Variants in TUSC3 observed in about 807,000 individuals in gnomAD.
TUSC3 encodes the protein dolichyl-diphosphooligosaccharide--protein glycosyltransferase subunit TUSC3.
TUSC3 carries 45 observed loss-of-function variants against 44.8 expected under a neutral mutation model. That is an observed-to-expected ratio of 1.00 (90% CI 0.79 to 1.29). The LOEUF (loss-of-function observed/expected upper bound fraction) is 1.29, where lower values mean the gene tolerates loss of function less well. TUSC3 is among the 50% of genes most tolerant of loss of function. The pLI, the probability that TUSC3 is intolerant of heterozygous loss-of-function variation, is 0.00. For synonymous variants in TUSC3, 212 were observed against 152.9 expected (o/e 1.39, Z -2.85); for missense variants, 519 against 437.9 (o/e 1.19, Z -1.65).
At chr8:15,439,629 A>T (rs192309212) in intron 1 of TUSC3, among the ~76,000 whole-genome samples, 196 of 152,354 alleles carry the variant, frequency 1.3e-3, no homozygotes, top group African/African-American at 4.4e-3. Context: ...CTGTGTTTTA[A>T]CAAAGTTAGA....
chr8:15,423,992 T>TG (rs1563247259), intron 1 of TUSC3, among the ~76,000 whole-genome samples: 9 of 134,116 alleles, frequency 6.7e-5, no homozygotes, highest in South Asian at 2.5e-4. Flanking sequence ...TTTTTTTTTT[T>TG]TTTTTTTTTT....
the TUSC3 span, among the ~76,000 whole-genome samples, chr8:15,791,611 C>T: frequency 6.6e-6 from 1 of 152,074 alleles, no homozygotes. Context: ...GATTTTCTCC[C>T]GGTAAGTTTC....
At chr8:15,598,788 T>G (rs1804167720) in intron 1 of TUSC3, among the ~76,000 whole-genome samples, 1 of 151,836 alleles carries the variant, frequency 6.6e-6, no homozygotes, top group Non-Finnish European at 1.5e-5. Context: ...TTTTTTTTTA[T>G]AGCACTGAAT....
chr8:15,423,625 G>A (rs1451928380), intron 1 of TUSC3, among the ~76,000 whole-genome samples: 1 of 152,164 alleles, frequency 6.6e-6, no homozygotes, highest in Non-Finnish European at 1.5e-5. Flanking sequence ...GAGGAGGTTT[G>A]AAATACCTGC....
chr8:15,732,836 T>C (rs1225489022), intron 7 of TUSC3, among the ~76,000 whole-genome samples: 8 of 152,208 alleles, frequency 5.3e-5, no homozygotes. Context: ...CTTCTTCCTG[T>C]GTCTGTCTCC....
At chr8:15,677,432 G>A (rs1378574111) in intron 6 of TUSC3, among the ~76,000 whole-genome samples, 3 of 152,204 alleles carry the variant, frequency 2.0e-5, no homozygotes, top group Non-Finnish European at 2.9e-5. Context: ...CCTTTGTCCT[G>A]AAGTGTGCAG....
At chr8:15,774,330 A>G in the TUSC3 span, among the ~76,000 whole-genome samples, 2 of 152,140 alleles carry the variant, frequency 1.3e-5, no homozygotes, top group Admixed American at 6.6e-5. Context: ...ATTAGTTAAG[A>G]TGAGGTCATA....
the TUSC3 span, among the ~76,000 whole-genome samples, chr8:15,800,902 A>G: frequency 6.6e-6 from 1 of 152,156 alleles, no homozygotes; most frequent in Non-Finnish European, 1.5e-5. Context: ...TCCAAGCAAT[A>G]TGGCTAGATG....
the TUSC3 span, among the ~76,000 whole-genome samples, chr8:15,789,789 C>T: frequency 1.3e-5 from 2 of 152,116 alleles, no homozygotes; most frequent in African/African-American, 4.8e-5. Flanking sequence ...TCTCAATGAC[C>T]TTAAAAGTAA....
intron 2 of TUSC3, among the ~76,000 whole-genome samples, chr8:15,531,570 G>GTTCA (rs1374295898): frequency 1.3e-5 from 2 of 152,074 alleles, no homozygotes; most frequent in Non-Finnish European, 2.9e-5. Flanking sequence ...TTTAATAAAC[G>GTTCA]TTCACTCCTG....
intron 1 of TUSC3, among the ~76,000 whole-genome samples, chr8:15,481,980 C>T (rs554034781): frequency 8.9e-4 from 135 of 152,302 alleles, no homozygotes; most frequent in Non-Finnish European, 1.5e-3. Context: ...CTTTGAAAAT[C>T]GGAGTCAATC....
At chr8:15,486,209 C>G (rs955735357) in intron 2 of TUSC3, among the ~76,000 whole-genome samples, 2 of 152,088 alleles carry the variant, frequency 1.3e-5, no homozygotes, top group African/African-American at 2.4e-5. Context: ...ATTTATGCAG[C>G]TATTTGTCAA....
chr8:15,847,867 C>T, the TUSC3 span, among the ~76,000 whole-genome samples: 45 of 152,116 alleles, frequency 3.0e-4, no homozygotes, highest in African/African-American at 1.1e-3. Flanking sequence ...AGCGAATAAG[C>T]CTTAATTTTT....
At chr8:15,584,567 T>A (rs965017818) in intron 1 of TUSC3, among the ~76,000 whole-genome samples, 1 of 152,166 alleles carries the variant, frequency 6.6e-6, no homozygotes, top group Non-Finnish European at 1.5e-5. Context: ...TATGAGCTAA[T>A]AAGAAGTCTG....
chr8:15,474,844 C>G (rs1035538305), intron 1 of TUSC3, among the ~76,000 whole-genome samples: 1 of 152,178 alleles, frequency 6.6e-6, no homozygotes, highest in Non-Finnish European at 1.5e-5. Flanking sequence ...TATCCACACA[C>G]AACCCATCCC....
chr8:15,614,935 CAAAA>C (rs3070906), intron 1 of TUSC3, among the ~76,000 whole-genome samples: 4 of 133,198 alleles, frequency 3.0e-5, no homozygotes, highest in African/African-American at 5.5e-5. Flanking sequence ...TTAAAAAGAC[CAAAA>C]AAAAAAAAAA....
intron 7 of TUSC3, among the ~76,000 whole-genome samples, chr8:15,731,903 T>C (rs1435452632): frequency 6.6e-6 from 1 of 152,150 alleles, no homozygotes; most frequent in Non-Finnish European, 1.5e-5. Flanking sequence ...AGGCACTGCA[T>C]CAAGTGGTGG....
the TUSC3 span, among the ~76,000 whole-genome samples, chr8:15,777,968 T>C: frequency 1.3e-5 from 2 of 151,950 alleles, no homozygotes; most frequent in African/African-American, 4.8e-5. Context: ...ATTTTTCAAA[T>C]AAAAAGAGCA....
In TUSC3 at chr8:15,673,831, C is replaced by G; in HGVS notation, c.793C>G (p.Gln265Glu). 6.2e-7 allele frequency: 1 copy of G among 1,611,280 alleles called. No homozygotes were observed. Among genetic ancestry groups the G allele is most frequent in the Non-Finnish European group, 8.5e-7 (1 of 1,177,954 alleles). ...TGCTCATAAGAACCCACACAATGGA[C>G]AAGTGGTAAGTGTAATTTATAAGCA... ...PYAHKNPHNGQVSYIHGSSQA... is the reference protein window; with the variant it reads ...PYAHKNPHNGEVSYIHGSSQA... The change falls in exon 6 of 11, where the codon CAA (glutamine) becomes GAA (glutamate). Residue 265 changes from glutamine (Q) to glutamate (E), a missense_variant. Coordinates refer to ENST00000503731, the MANE Select transcript of TUSC3 (RefSeq NM_006765.4).
Sources: gnomAD v4.1 joint callset for allele counts (sites outside exome capture counted in the v4.1 genomes callset) on GRCh38, gnomAD v4.1.1 for gene constraint, MANE v1.5 for transcripts, NCBI Gene and HGNC (gene_info 2026-07-23, HGNC 2026-07-21) for gene names.